Variants in EZH1 observed in about 807,000 individuals in gnomAD.
EZH1 encodes the protein histone-lysine N-methyltransferase EZH1.
Under a neutral mutation model 100.5 loss-of-function variants are expected in EZH1, and 33 were observed. The observed-to-expected ratio is 0.33, with a 90% CI of 0.25 to 0.44. EZH1 has a LOEUF of 0.44. Among genes scored for constraint, EZH1 ranks in the 20% least tolerant of loss-of-function variants. The probability of loss-of-function intolerance (pLI) is 1.00; values close to 1 mark genes in which losing one functional copy is unlikely to be tolerated. For synonymous variants in EZH1, 272 were observed against 313.8 expected (o/e 0.87, Z 1.41); for missense variants, 475 against 928.4 (o/e 0.51, Z 6.35).
At chr17:42,729,867 G>A (rs752241955) in intron 2 of EZH1, among the ~76,000 whole-genome samples, 49 of 151,772 alleles carry the variant, frequency 3.2e-4, no homozygotes, top group Admixed American at 2.2e-3. Flanking sequence ...CTGAAACCCC[G>A]TCTCTACTAA....
Position 42,728,963 on chromosome 17 carries a change from C to G in EZH1, c.-11-11G>C. 1 of 1,568,964 alleles carries G rather than the reference C, an allele frequency of 6.4e-7. No individual in the cohort carries two copies. The highest frequency in any genetic ancestry group is 8.6e-7 in the Non-Finnish European group (1 of 1,159,606). ...CCATCTTGCTGTAATCTAAGAGAGA[C>G]AGAGATGAGAAATAGCATTTTATTG... On this transcript the variant is annotated splice_polypyrimidine_tract_variant and intron_variant, in intron 2 of 20. Transcript: ENST00000428826.
rs139725550 is a variant in EZH1 at position 42,729,761 on chromosome 17, C to T, written c.-11-809G>A. On this transcript the variant is annotated intron_variant, in intron 2 of 20. Coordinates refer to ENST00000428826, the MANE Select transcript of EZH1 (RefSeq NM_001991.5). ...CTCAAAAAAGAAAAAAAAAAAAGTC[C>T]GGGCATGGTGATTCATGCCTGTAAT... Among the ~76,000 whole-genome samples the T allele has an allele frequency of 4.8e-5, 7 of 144,416 alleles. No individual in the cohort carries two copies. The South Asian group carries it at 6.6e-4, about 14-fold the overall frequency. The allele number at this position is 144,416 out of a possible 152,430, so 94.7% of individuals were successfully genotyped here. A position where few individuals can be genotyped will look rare whatever the true frequency, so the allele number is the denominator to read the frequency against.
rs558559084 is a variant in EZH1 at position 42,718,965 on chromosome 17, T to A, written c.767+140A>T. 16 of 683,616 alleles carry A rather than the reference T, an allele frequency of 2.3e-5. No individual in the cohort carries two copies. The highest frequency in any genetic ancestry group is 2.3e-4 in the South Asian group (13 of 55,598). 42.3% of individuals were successfully genotyped at this position (683,616 alleles called of 1,614,324 possible). On this transcript the variant is annotated intron_variant, in intron 8 of 20. Coordinates refer to ENST00000428826, the MANE Select transcript of EZH1 (RefSeq NM_001991.5). The surrounding 1 kb of genome is among the most constrained non-coding windows in gnomAD (Gnocchi z 4.2). Reference sequence around the variant, plus strand: ...AGGGGGGCATTTAGAGGTAATTGAGTAAGCAAGAAATAATCAAATTGCGGG... The same window carrying A: ...AGGGGGGCATTTAGAGGTAATTGAGAAAGCAAGAAATAATCAAATTGCGGG...
intron 1 of EZH1, among the ~76,000 whole-genome samples, chr17:42,742,022 G>A (rs184373520): frequency 4.9e-4 from 74 of 152,214 alleles, no homozygotes; most frequent in African/African-American, 1.8e-3. Flanking sequence ...ATCATCCAAA[G>A]GCAAATATAT....
At chr17:42,722,367 A>G (rs1012655892) in intron 6 of EZH1, among the ~76,000 whole-genome samples, 3 of 151,236 alleles carry the variant, frequency 2.0e-5, no homozygotes, top group African/African-American at 7.3e-5. Context: ...GCTCACGCCT[A>G]TAATCCCAGC....
rs1028942784 is a variant in EZH1, at chr17:42,730,838, G to C, written c.-22C>G. 1 of 984,934 alleles carries C rather than the reference G, an allele frequency of 1.0e-6. No homozygotes were observed. Among genetic ancestry groups the C allele is most frequent in the Non-Finnish European group, 1.2e-6 (1 of 829,524 alleles). The allele number at this position is 984,934 out of a possible 1,614,324, so 61.0% of individuals were successfully genotyped here. ...ATATACTTTACCTACCTTATAGAAT[G>C]CAAGGGGAAGTGTTGGGTTTTACAG... On this transcript the variant is annotated 5_prime_UTR_variant, in exon 2 of 21. Coordinates refer to ENST00000428826, the MANE Select transcript of EZH1 (RefSeq NM_001991.5).
intron 1 of EZH1, among the ~76,000 whole-genome samples, chr17:42,733,075 C>G (rs1568004918): frequency 6.6e-6 from 1 of 150,658 alleles, no homozygotes; most frequent in Non-Finnish European, 1.5e-5. Context: ...CGCTGGCTCA[C>G]GGTTGTAATC....
At chr17:42,709,690 C>A in intron 13 of EZH1, 156 bp downstream of exon 13, 1 of 628,738 alleles carries the variant, frequency 1.6e-6, no homozygotes, top group Non-Finnish European at 2.8e-6. Flanking sequence ...AGGGAGCACT[C>A]AGGAGGCTGG....
Position 42,718,203 on chromosome 17 carries a change from G to T in EZH1, c.932-136C>A. ...CTACCATCAGGGTGCACAAAATTCA[G>T]TCATTTCTGACATCAACACAATGCT... On this transcript the variant is annotated intron_variant, in intron 9 of 20. Transcript: ENST00000428826. The surrounding 1 kb of genome is among the most constrained non-coding windows in gnomAD (Gnocchi z 4.2). 1.1e-6 allele frequency: 1 copy of T among 892,388 alleles called. No homozygotes were observed. The highest frequency in any genetic ancestry group is 1.7e-6 in the Non-Finnish European group (1 of 582,032). The allele number at this position is 892,388 out of a possible 1,614,324, so 55.3% of individuals were successfully genotyped here.
At chr17:42,708,415 G>A (rs1008000892) in intron 14 of EZH1, among the ~76,000 whole-genome samples, 6 of 152,146 alleles carry the variant, frequency 3.9e-5, no homozygotes, top group African/African-American at 9.7e-5. Flanking sequence ...AGCACTTTGC[G>A]AGGCCGAGGC....
intron 6 of EZH1, 80 bp downstream of exon 6, chr17:42,722,715 G>C: frequency 6.9e-7 from 1 of 1,449,756 alleles, no homozygotes; most frequent in Non-Finnish European, 9.4e-7. Context: ...GAAGATAAAA[G>C]CAAGATGGCA....
In EZH1 at chr17:42,724,512, T is replaced by A; in HGVS notation, c.247-88A>T. On this transcript the variant is annotated intron_variant, in intron 4 of 20. Transcript: ENST00000428826. The stretch of plus-strand genomic sequence containing the variant: ...ATTTCCTTCCAAAATTGGCTGGGCA[T>A]AGTGGCTCATGCCAGTAATCCCAGC... The A allele has an allele frequency of 2.7e-6, 4 of 1,503,562 alleles. No homozygotes were observed. The South Asian group carries it at 4.7e-5, about 18-fold the overall frequency. The allele number at this position is 1,503,562 out of a possible 1,614,324, so 93.1% of individuals were successfully genotyped here.
chr17:42,719,081 C>G (rs1227429833), intron 8 of EZH1, 24 bp downstream of exon 8: 1 of 1,578,802 alleles, frequency 6.3e-7, no homozygotes. Flanking sequence ...CTGTATATGG[C>G]CTAAGTGGGA....
At chr17:42,711,062 T>C (rs2053472282) in intron 12 of EZH1, among the ~76,000 whole-genome samples, 1 of 152,200 alleles carries the variant, frequency 6.6e-6, no homozygotes, top group South Asian at 2.1e-4. Flanking sequence ...CTTGTCCCTG[T>C]TCTTCAGTCT....
Position 42,713,340 on chromosome 17 carries a change from G to C in EZH1, c.1073C>G (p.Ser358Cys). ...GTGGTGCCTTCTCCGGCGACGACCA[G>C]AGCACTTGGAGCGGGGGTTGTGGAG... ...AMLHNPRSKC[S>C]GRRRRRHHIV... Residue 358 changes from serine to cysteine, a missense_variant, in exon 11 of 21, where the codon TCT (serine) becomes TGT (cysteine). Around this residue, in one of 8 missense-constraint regions of EZH1, gnomAD observed 180 missense variants for 295.3 expected, o/e 0.61. Transcript: ENST00000428826. 1.2e-6 allele frequency: 2 copies of C among 1,611,788 alleles called. No individual in the cohort carries two copies. The highest frequency in any genetic ancestry group is 1.7e-6 in the Non-Finnish European group (2 of 1,178,004).
intron 10 of EZH1, among the ~76,000 whole-genome samples, chr17:42,717,033 G>A (rs1371439873): frequency 6.6e-6 from 1 of 152,128 alleles, no homozygotes; most frequent in Admixed American, 6.6e-5. Flanking sequence ...CATGATCTGT[G>A]GAGTTAGACC....
chr17:42,729,049 C>T, intron 2 of EZH1, 97 bp from the exon 3 acceptor site: 1 of 1,272,236 alleles, frequency 7.9e-7, no homozygotes, highest in Non-Finnish European at 1.1e-6. Flanking sequence ...TGCTTTCATT[C>T]CCATTAAATT....
In EZH1 at chr17:42,702,941, G is replaced by A. The variant is rs760268061; in HGVS notation, c.2119C>T (p.His707Tyr). 6.2e-7 allele frequency: 1 copy of A among 1,613,988 alleles called. No homozygotes were observed. Among genetic ancestry groups the A allele is most frequent in the South Asian group, 1.1e-5 (1 of 91,066 alleles). ...YAKVVMVNGDHRIGIFAKRAI... is the reference protein window; with the variant it reads ...YAKVVMVNGDYRIGIFAKRAI... ...CTCTTGGCAAAGATCCCAATCCGAT[G>A]GTCTCCATTCACCATGACCACTGCA... The change falls in exon 20 of 21, where the codon CAT (histidine) becomes TAT (tyrosine). Residue 707 changes from histidine (H) to tyrosine (Y), a missense_variant. Physicochemically the swap from His to Tyr is moderately conservative, Grantham distance 83 (BLOSUM62 2). Transcript: ENST00000428826.
chr17:42,742,582 C>G (rs986004933), intron 1 of EZH1, among the ~76,000 whole-genome samples: 8 of 152,314 alleles, frequency 5.3e-5, no homozygotes, highest in Admixed American at 1.3e-4. Flanking sequence ...ACAATACTAG[C>G]ATCCGGATCA....
Sources: gnomAD v4.1 joint callset for allele counts (sites outside exome capture counted in the v4.1 genomes callset) on GRCh38, gnomAD v4.1.1 for gene constraint, gnomAD v4.1.1 regional missense constraint, Gnocchi (gnomAD v3.1) non-coding constraint, MANE v1.5 for transcripts, NCBI Gene and HGNC (gene_info 2026-07-23, HGNC 2026-07-21) for gene names.